SNX29: variants seen among roughly 807,000 people sequenced by gnomAD.
SNX29 encodes the protein sorting nexin-29.
In SNX29, 78 loss-of-function variants were observed where a neutral mutation model predicts 102.1. The observed-to-expected ratio is 0.76, with a 90% confidence interval of 0.64 to 0.92. SNX29 has a LOEUF of 0.92. Among genes scored for constraint, SNX29 ranks in the 40% least tolerant of loss-of-function variants. The probability of loss-of-function intolerance (pLI) is 0.00; values close to 1 mark genes in which losing one functional copy is unlikely to be tolerated. For synonymous variants in SNX29, 580 were observed against 414.5 expected (o/e 1.40, Z -4.85); for missense variants, 1,280 against 1,061.7 (o/e 1.21, Z -2.86).
intron 13 of SNX29, among the ~76,000 whole-genome samples, chr16:12,168,312 G>T (rs555033535): frequency 6.6e-6 from 1 of 152,296 alleles, no homozygotes; most frequent in African/African-American, 2.4e-5. Context: ...ATGTGCAAAA[G>T]CCCAGAAGTG....
chr16:12,170,758 G>A (rs2076130182), intron 13 of SNX29, among the ~76,000 whole-genome samples: 1 of 126,002 alleles, frequency 7.9e-6, no homozygotes, highest in African/African-American at 4.6e-5. Context: ...GTGTGTGTGT[G>A]TGAGAGGAGT....
rs759295478 is a variant in SNX29, at chr16:12,048,618, C to G, written c.746C>G (p.Ala249Gly). 2 of 1,613,818 alleles carry G rather than the reference C, an allele frequency of 1.2e-6. No homozygotes were observed. The highest frequency in any genetic ancestry group is 1.7e-6 in the Non-Finnish European group (2 of 1,179,872). Residue 249 changes from alanine to glycine, a missense_variant and splice_region_variant, in exon 7 of 21, where the codon GCT (alanine) becomes GGT (glycine). Ala to Gly is a moderately conservative substitution (Grantham distance 60, BLOSUM62 0). Coordinates refer to ENST00000566228, the MANE Select transcript of SNX29 (RefSeq NM_032167.5). The part of the protein sequence containing the change: ...PLPVVSRNVS[A>G]DAKCKKERKK... ...CCTGTCGTGTCCAGGAATGTCAGTGCTGGTGAGTGGGAACGGGTGCTCGAG... is the reference window on the plus strand; with the variant it reads ...CCTGTCGTGTCCAGGAATGTCAGTGGTGGTGAGTGGGAACGGGTGCTCGAG...
At chr16:12,074,366 T>C (rs974070727) in intron 10 of SNX29, among the ~76,000 whole-genome samples, 1 of 152,036 alleles carries the variant, frequency 6.6e-6, no homozygotes, top group Non-Finnish European at 1.5e-5. Context: ...GCAGGCCTGG[T>C]GGTGACAAAA....
intron 14 of SNX29, among the ~76,000 whole-genome samples, chr16:12,211,236 T>C (rs1413236923): frequency 6.6e-6 from 1 of 152,146 alleles, no homozygotes; most frequent in African/African-American, 2.4e-5. Context: ...TCAGGTTTAG[T>C]GGGAGAGATG....
At position 12,573,790 on chromosome 16, in the gene SNX29, G is replaced by T. The variant is rs3169265; in HGVS notation, c.*5161G>T. 4.5e-6 allele frequency: 1 copy of T among 220,836 alleles called. No individual in the cohort carries two copies. The highest frequency in any genetic ancestry group is 9.1e-6 in the Non-Finnish European group (1 of 110,448). 13.7% of individuals were successfully genotyped at this position (220,836 alleles called of 1,614,324 possible). On this transcript the variant is annotated 3_prime_UTR_variant, in exon 21 of 21. Transcript: ENST00000566228. Reference sequence around the variant, plus strand: ...TGACCCCAGAGACCATTAATTTCCCGGAGTGAAGGGGATGGGGGTAGAGCT... The same window carrying T: ...TGACCCCAGAGACCATTAATTTCCCTGAGTGAAGGGGATGGGGGTAGAGCT...
At chr16:12,013,924 T>C (rs1265690244) in intron 3 of SNX29, among the ~76,000 whole-genome samples, 1 of 152,006 alleles carries the variant, frequency 6.6e-6, no homozygotes, top group Admixed American at 6.6e-5. Flanking sequence ...GTGCTAGGAT[T>C]ACAGGCATAA....
At chr16:12,475,634 C>T (rs574800921) in intron 18 of SNX29, among the ~76,000 whole-genome samples, 4 of 152,206 alleles carry the variant, frequency 2.6e-5, no homozygotes, top group Admixed American at 6.5e-5. Context: ...TTACATTCAC[C>T]TATAGTTAGG....
chr16:12,246,594 C>T (rs190959930), intron 14 of SNX29, among the ~76,000 whole-genome samples: 49 of 152,156 alleles, frequency 3.2e-4, no homozygotes, highest in Admixed American at 1.6e-3. Flanking sequence ...GAGCCGAGAT[C>T]GTGCCACTGG....
intron 13 of SNX29, among the ~76,000 whole-genome samples, chr16:12,174,077 C>T (rs1033903409): frequency 7.9e-5 from 12 of 152,306 alleles, no homozygotes; most frequent in African/African-American, 2.6e-4. Flanking sequence ...CCACTGCCCC[C>T]GGCCCCCTGT....
At chr16:12,450,498 G>T (rs1208515029) in intron 18 of SNX29, among the ~76,000 whole-genome samples, 2 of 152,188 alleles carry the variant, frequency 1.3e-5, no homozygotes, top group African/African-American at 4.8e-5. Context: ...GCAATGATGT[G>T]CCCATTCCTG....
intron 13 of SNX29, among the ~76,000 whole-genome samples, chr16:12,144,079 G>A (rs1307202030): frequency 2.6e-5 from 4 of 152,280 alleles, no homozygotes; most frequent in African/African-American, 9.6e-5. Flanking sequence ...CTATCCTGGA[G>A]TTCTAATAAG....
At chr16:12,311,761 T>G (rs1372303003) in intron 15 of SNX29, among the ~76,000 whole-genome samples, 1 of 152,250 alleles carries the variant, frequency 6.6e-6, no homozygotes, top group East Asian at 1.9e-4. Context: ...TGGCCATCTC[T>G]GTACATCTCT....
chr16:12,410,511 A>G (rs2084356844), intron 18 of SNX29, among the ~76,000 whole-genome samples: 1 of 151,918 alleles, frequency 6.6e-6, no homozygotes, highest in African/African-American at 2.4e-5. Context: ...CAGTGGCACA[A>G]TCATGGCTCA....
intron 14 of SNX29, among the ~76,000 whole-genome samples, chr16:12,243,951 T>G (rs2078186803): frequency 6.6e-6 from 1 of 152,214 alleles, no homozygotes; most frequent in South Asian, 2.1e-4. Context: ...AGAGGTTAGG[T>G]TCTCACCAAT....
At chr16:12,324,511 C>T (rs1370369557) in intron 15 of SNX29, among the ~76,000 whole-genome samples, 5 of 151,952 alleles carry the variant, frequency 3.3e-5, no homozygotes, top group Admixed American at 6.6e-5. Context: ...TGGGCTCAGG[C>T]GATCCTCTGC....
intron 3 of SNX29, among the ~76,000 whole-genome samples, chr16:12,025,670 A>T (rs2057170825): frequency 6.6e-6 from 1 of 152,166 alleles, no homozygotes; most frequent in Non-Finnish European, 1.5e-5. Flanking sequence ...TCGATTAGTG[A>T]TGTCTGTCAT....
chr16:12,387,917 A>G (rs1396843074), intron 16 of SNX29, among the ~76,000 whole-genome samples: 1 of 152,214 alleles, frequency 6.6e-6, no homozygotes, highest in Non-Finnish European at 1.5e-5. Flanking sequence ...CCTGGAAGAA[A>G]CATTCCAGAG....
chr16:12,417,605 C>T (rs988782503), intron 18 of SNX29, among the ~76,000 whole-genome samples: 2 of 151,994 alleles, frequency 1.3e-5, no homozygotes, highest in African/African-American at 4.8e-5. Flanking sequence ...CCCTATTCCT[C>T]ATCATTCCTT....
chr16:12,412,811 A>G (rs186765160), intron 18 of SNX29, among the ~76,000 whole-genome samples: 87 of 152,262 alleles, frequency 5.7e-4, no homozygotes, highest in Non-Finnish European at 1.0e-3. Flanking sequence ...GAATTTTTAT[A>G]TTTACTTTTT....
Sources: gnomAD v4.1 joint callset for allele counts (sites outside exome capture counted in the v4.1 genomes callset) on GRCh38, gnomAD v4.1.1 for gene constraint, MANE v1.5 for transcripts, NCBI Gene and HGNC (gene_info 2026-07-23, HGNC 2026-07-21) for gene names.